HDAC7: variants seen among roughly 807,000 people sequenced by gnomAD.
HDAC7 encodes the protein histone deacetylase 7A.
A neutral mutation model predicts 115.5 loss-of-function variants in HDAC7; 26 were observed. The observed-to-expected ratio is 0.23, with a 90% confidence interval of 0.16 to 0.31. The LOEUF (loss-of-function observed/expected upper bound fraction) is 0.31, where lower values mean the gene tolerates loss of function less well. Ranked by LOEUF, HDAC7 falls within the 10% of genes least tolerant of loss-of-function variation. The pLI is 1.00. For missense variants in HDAC7, 1,068 were observed against 1,329.0 expected, an observed-to-expected ratio of 0.80 and a Z score of 3.05; for synonymous variants, 564 against 550.9, an observed-to-expected ratio of 1.02 and a Z score of -0.33.
intron 1 of HDAC7, among the ~76,000 whole-genome samples, chr12:47,806,582 G>C (rs1265537449): frequency 6.6e-6 from 1 of 152,160 alleles, no homozygotes; most frequent in East Asian, 1.9e-4. Flanking sequence ...CCAGCTACTT[G>C]GGAGGCTGAG....
Position 47,797,988 on chromosome 12 carries a change from G to T in HDAC7, c.461+120C>A. The T allele has an allele frequency of 1.3e-6, 1 of 756,114 alleles. No individual in the cohort carries two copies. The allele number at this position is 756,114 out of a possible 1,614,324, so 46.8% of individuals were successfully genotyped here. ...TCGGGGGCATTATGTTTAGAGGAAGGGTAAGGACTGGTTGTGGCAACTGGG... is the reference window on the plus strand; with the variant it reads ...TCGGGGGCATTATGTTTAGAGGAAGTGTAAGGACTGGTTGTGGCAACTGGG... On this transcript the variant is annotated intron_variant, in intron 5 of 25. Coordinates refer to ENST00000080059, the MANE Select transcript of HDAC7 (RefSeq NM_015401.5). The surrounding 1 kb of genome is among the most constrained non-coding windows in gnomAD (Gnocchi z 5.5).
chr12:47,818,311 G>A (rs756515869), intron 1 of HDAC7, among the ~76,000 whole-genome samples: 7 of 152,212 alleles, frequency 4.6e-5, no homozygotes, highest in Non-Finnish European at 1.0e-4. Flanking sequence ...GACATCAGGG[G>A]ACTAAAGGCA....
intron 2 of HDAC7, among the ~76,000 whole-genome samples, chr12:47,799,523 G>A (rs34785684): frequency 0.077 from 11,709 of 152,278 alleles, 562 homozygotes; most frequent in African/African-American, 0.14. Flanking sequence ...ATGAGATAAA[G>A]TGATGCCTCA....
Position 47,793,232 on chromosome 12 carries a change from T to C in HDAC7, c.1678+137A>G. ...TGCAATAACCAGCTGTTCCATGTGC[T>C]CCATGGGTACTACGTGGGCCTAACA... is the stretch of plus-strand genomic sequence containing the variant. On this transcript the variant is annotated intron_variant, in intron 13 of 25. Transcript: ENST00000080059. The surrounding 1 kb of genome is among the most constrained non-coding windows in gnomAD (Gnocchi z 4.5). 1 of 633,162 alleles carries C rather than the reference T, an allele frequency of 1.6e-6. No homozygotes were observed. 39.2% of individuals were successfully genotyped at this position (633,162 alleles called of 1,614,324 possible). A position where few individuals can be genotyped will look rare whatever the true frequency, so the allele number is the denominator to read the frequency against.
Position 47,817,178 on chromosome 12 carries a change from C to G in HDAC7, c.19+2589G>C, listed in dbSNP as rs759692269. On this transcript the variant is annotated intron_variant, in intron 1 of 25. Coordinates refer to ENST00000080059, the MANE Select transcript of HDAC7 (RefSeq NM_015401.5). The stretch of plus-strand genomic sequence containing the variant: ...GGCTTCCTGCTGTGTTGCCCACCCC[C>G]AGCTCACTGCTCTCACAGCCTCCTT... Among the ~76,000 whole-genome samples the G allele has an allele frequency of 4.5e-4, 69 of 152,350 alleles. 2 individuals are homozygous for G. The Middle Eastern group carries it at 0.014, about 30-fold the overall frequency.
intron 1 of HDAC7, among the ~76,000 whole-genome samples, chr12:47,815,831 G>A (rs867491068): frequency 2.0e-5 from 3 of 150,596 alleles, no homozygotes; most frequent in Admixed American, 1.3e-4. Context: ...GGCTCGTCTC[G>A]AACTCCTGCC....
At chr12:47,796,322 G>A in intron 7 of HDAC7, 24 bp from the exon 8 acceptor site, 1 of 1,561,840 alleles carries the variant, frequency 6.4e-7, no homozygotes. Context: ...AGAGAGGGAA[G>A]TGCAGTCAGA....
intron 13 of HDAC7, chr12:47,792,912 C>A: frequency 6.5e-6 from 2 of 308,784 alleles, no homozygotes; most frequent in South Asian, 5.6e-5. Flanking sequence ...GTACATATGG[C>A]CAGAACAAAG....
intron 8 of HDAC7, 46 bp from the exon 9 acceptor site, chr12:47,796,062 C>G: frequency 6.5e-7 from 1 of 1,537,274 alleles, no homozygotes; most frequent in Non-Finnish European, 8.8e-7. Flanking sequence ...AGACCTCTAC[C>G]CCGGCGCACC....
intron 19 of HDAC7, 62 bp from the exon 20 acceptor site, chr12:47,788,226 A>G: frequency 6.6e-7 from 1 of 1,519,418 alleles, no homozygotes; most frequent in Non-Finnish European, 8.8e-7. Context: ...GACAGGTTAG[A>G]AGGGTTTCAA....
At chr12:47,784,491 C>A (rs1257399929) in intron 24 of HDAC7, 11 of 604,058 alleles carry the variant, frequency 1.8e-5, no homozygotes, top group Admixed American at 1.5e-4. Context: ...TGCAAGGCCA[C>A]CTTTGACTCA....
At chr12:47,812,696 T>C (rs1214166514) in intron 1 of HDAC7, among the ~76,000 whole-genome samples, 2 of 152,144 alleles carry the variant, frequency 1.3e-5, no homozygotes, top group Non-Finnish European at 2.9e-5. Flanking sequence ...AAGGCGATAA[T>C]TAACATCTGT....
intron 15 of HDAC7, 35 bp downstream of exon 15, chr12:47,791,551 G>C (rs776396458): frequency 1.3e-6 from 2 of 1,582,446 alleles, no homozygotes; most frequent in Non-Finnish European, 1.7e-6. Context: ...GGTGAGGTAA[G>C]CTGGCATGGG....
chr12:47,797,364 C>T lies in HDAC7; in HGVS notation c.577+20G>A, dbSNP rs369036684. On this transcript the variant is annotated intron_variant, in intron 6 of 25. Transcript: ENST00000080059. The surrounding 1 kb of genome is among the most constrained non-coding windows in gnomAD (Gnocchi z 5.5). ...TCCCCCTTCCTTTGCCTGAAAGGTC[C>T]GCCTGTTTGTTCAGCTCACCTGTCT... The T allele has an allele frequency of 6.0e-5, 97 of 1,607,014 alleles. No individual in the cohort carries two copies. Among genetic ancestry groups the T allele is most frequent in the Admixed American group, 1.3e-4 (8 of 59,986 alleles).
chr12:47,790,360 T>C (rs918679479), intron 16 of HDAC7: 11 of 180,946 alleles, frequency 6.1e-5, no homozygotes, highest in Non-Finnish European at 1.2e-4. Flanking sequence ...CCAAACCCAG[T>C]CCCTGGGCCT....
In HDAC7 at chr12:47,795,311, G is replaced by A. The variant is rs1943752885; in HGVS notation, c.1157C>T (p.Ser386Leu). ...CCGGCTCAGTGGCCAGTGGAGGCCT[G>A]ACCCAGAGAGCCGCTCGGTGGTCAT... Reference protein sequence around the residue: ...SLMTTERLSGSGLHWPLSRTR... With the variant: ...SLMTTERLSGLGLHWPLSRTR... The change falls in exon 11 of 26, where the codon TCA becomes TTA. Residue 386 changes from serine (S) to leucine (L), a missense_variant. Ser to Leu is a moderately radical substitution (Grantham distance 145). Transcript: ENST00000080059. This position sits in a 1 kb window ranked among gnomAD's most constrained non-coding sequence, Gnocchi z 4.3. 1 of 1,613,220 alleles carries A rather than the reference G, an allele frequency of 6.2e-7. No individual in the cohort carries two copies.
At position 47,793,331 on chromosome 12, in the gene HDAC7, G is replaced by GCCCCACCCACCACC; in HGVS notation, c.1678+37_1678+38insGGTGGTGGGTGGGG. 4.6e-6 allele frequency: 6 copies of GCCCCACCCACCACC among 1,305,494 alleles called. No homozygotes were observed. Among genetic ancestry groups the GCCCCACCCACCACC allele is most frequent in the Non-Finnish European group, 5.2e-6 (5 of 952,716 alleles). The allele number at this position is 1,305,494 out of a possible 1,614,324, so 80.9% of individuals were successfully genotyped here. Reference sequence around the variant, plus strand: ...CACCCACATGGACTCGTGCAGCCGAGCCCCTCCCTCCACCCGCCACCCTCC... The same window carrying GCCCCACCCACCACC: ...CACCCACATGGACTCGTGCAGCCGAGCCCCACCCACCACCCCCCTCCCTCCACCCGCCACCCTCC... On this transcript the variant is annotated intron_variant, in intron 13 of 25. Coordinates refer to ENST00000080059, the MANE Select transcript of HDAC7 (RefSeq NM_015401.5). The surrounding 1 kb of genome is among the most constrained non-coding windows in gnomAD (Gnocchi z 4.5).
chr12:47,791,908 G>A lies in HDAC7; in HGVS notation c.1775C>T (p.Ser592Phe). The change falls in exon 14 of 26, where the codon TCC (serine) becomes TTC (phenylalanine). Residue 592 changes from serine (S) to phenylalanine (F), a missense_variant. Coordinates refer to ENST00000080059, the MANE Select transcript of HDAC7 (RefSeq NM_015401.5). ...EHAGRIQSIW[S>F]RLQERGLRSQ... ...CCGGAGCCCCCGCTCCTGCAGCCGG[G>A]ACCAGATGCTCTGGATGCGGCCGGC... The A allele has an allele frequency of 6.2e-7, 1 of 1,611,454 alleles. No homozygotes were observed. Among genetic ancestry groups the A allele is most frequent in the Non-Finnish European group, 8.5e-7 (1 of 1,179,404 alleles).
chr12:47,802,132 T>C, intron 2 of HDAC7, 92 bp downstream of exon 2: 2 of 1,370,434 alleles, frequency 1.5e-6, no homozygotes, highest in Non-Finnish European at 2.0e-6. Context: ...GCGACCCTGC[T>C]TCTCTAACCC....
Sources: allele counts gnomAD v4.1 joint callset (sites outside exome capture counted in the v4.1 genomes callset), GRCh38; gene constraint gnomAD v4.1.1; non-coding constraint Gnocchi (gnomAD v3.1); transcripts MANE v1.5; gene names NCBI Gene and HGNC (gene_info 2026-07-23, HGNC 2026-07-21).